Variants in LINGO2 observed in about 807,000 individuals in gnomAD.
LINGO2 encodes the protein leucine rich repeat and Ig domain containing 2.
Under a neutral mutation model 30.6 loss-of-function variants are expected in LINGO2, and 14 were observed. The observed-to-expected ratio is 0.46, with a 90% confidence interval of 0.30 to 0.72. The LOEUF is 0.72. LINGO2 is among the 30% of genes least tolerant of loss of function. The pLI is 0.07. For synonymous variants in LINGO2, 317 were observed against 288.5 expected (o/e 1.10, Z -1.00); for missense variants, 729 against 751.7 (o/e 0.97, Z 0.35).
chr9:29,041,300 G>A, the LINGO2 span, among the ~76,000 whole-genome samples: 4,677 of 151,972 alleles, frequency 0.031, 260 homozygotes, highest in African/African-American at 0.11. Context: ...CAAAATTCAA[G>A]GAAGGGTTTT....
In LINGO2 at chr9:27,976,049, CTGAA is replaced by C. The variant is rs548463956; in HGVS notation, c.-35-25347_-35-25344del. Among the ~76,000 whole-genome samples, 138 of 152,168 alleles carry C rather than the reference CTGAA, an allele frequency of 9.1e-4. 1 individual carries two copies. The highest frequency in any genetic ancestry group is 3.2e-3 in the African/African-American group (133 of 41,536). On this transcript the variant is annotated intron_variant, in intron 5 of 5. Transcript: ENST00000379992. ...TCAGGCTGGTCCTAGCACTTACCAC[CTGAA>C]TGAATTAAAATGGGGCAGTTACTTA... is the stretch of plus-strand genomic sequence containing the variant.
the LINGO2 span, among the ~76,000 whole-genome samples, chr9:29,011,655 TTGGCCACTGATTAC>T: frequency 1.3e-5 from 2 of 152,192 alleles, no homozygotes; most frequent in African/African-American, 4.8e-5. Flanking sequence ...CCATGACCCC[TTGGCCACTGATTAC>T]TGACCAGATC....
chr9:27,978,842 T>C (rs890315254), intron 5 of LINGO2, among the ~76,000 whole-genome samples: 4 of 151,996 alleles, frequency 2.6e-5, no homozygotes, highest in African/African-American at 9.7e-5. Context: ...TGTTGAAAAA[T>C]GGAAAATACA....
chr9:28,357,327 CA>C (rs1554710539), intron 3 of LINGO2, among the ~76,000 whole-genome samples: 2 of 139,602 alleles, frequency 1.4e-5, no homozygotes, highest in Non-Finnish European at 1.6e-5. Flanking sequence ...CCACCCCCCC[CA>C]AAAAAGAAAG....
the LINGO2 span, among the ~76,000 whole-genome samples, chr9:28,867,278 A>G: frequency 6.6e-6 from 1 of 152,138 alleles, no homozygotes; most frequent in Non-Finnish European, 1.5e-5. Context: ...ATAGAACAGG[A>G]AATGAAAAAT....
At chr9:28,848,409 A>AG in the LINGO2 span, among the ~76,000 whole-genome samples, 2 of 121,730 alleles carry the variant, frequency 1.6e-5, no homozygotes, top group African/African-American at 6.5e-5. Context: ...ATATATATAT[A>AG]TATATATATA....
the LINGO2 span, among the ~76,000 whole-genome samples, chr9:29,051,996 C>T: frequency 6.6e-6 from 1 of 152,134 alleles, no homozygotes; most frequent in Admixed American, 6.6e-5. Context: ...CTACATCATT[C>T]CAAATATTTG....
At chr9:28,773,120 C>T in the LINGO2 span, among the ~76,000 whole-genome samples, 4 of 152,094 alleles carry the variant, frequency 2.6e-5, no homozygotes, top group Admixed American at 2.6e-4. Context: ...AATCTCAGCA[C>T]TCTGGGAGGC....
chr9:28,131,179 A>C (rs1201649289), intron 4 of LINGO2, among the ~76,000 whole-genome samples: 1 of 152,036 alleles, frequency 6.6e-6, no homozygotes, highest in Non-Finnish European at 1.5e-5. Context: ...AAAAAAAAAA[A>C]AAACATGAGT....
chr9:28,322,238 G>A (rs758311561), intron 3 of LINGO2, among the ~76,000 whole-genome samples: 1 of 152,120 alleles, frequency 6.6e-6, no homozygotes, highest in African/African-American at 2.4e-5. Context: ...TGATCATTTG[G>A]ATGACAGCAC....
chr9:28,625,657 T>G (rs762688425), intron 1 of LINGO2, among the ~76,000 whole-genome samples: 18 of 152,168 alleles, frequency 1.2e-4, no homozygotes, highest in Non-Finnish European at 1.5e-5. Flanking sequence ...GTATGCCCAT[T>G]TTTTTCCTTT....
At chr9:28,709,636 T>G in the LINGO2 span, among the ~76,000 whole-genome samples, 1 of 152,012 alleles carries the variant, frequency 6.6e-6, no homozygotes, top group Admixed American at 6.6e-5. Flanking sequence ...CAAACAGAAA[T>G]GCTTGCACAA....
intron 4 of LINGO2, among the ~76,000 whole-genome samples, chr9:28,067,813 C>T (rs777350410): frequency 8.5e-5 from 13 of 152,194 alleles, no homozygotes; most frequent in South Asian, 4.1e-4. Flanking sequence ...TCAACTTCTT[C>T]GATTATCATA....
chr9:28,054,785 A>ATGATC (rs1824843538), intron 4 of LINGO2, among the ~76,000 whole-genome samples: 1 of 151,244 alleles, frequency 6.6e-6, no homozygotes, highest in African/African-American at 2.5e-5. Context: ...TCCAGGCTAT[A>ATGATC]ACTTAATTTT....
At chr9:28,052,504 C>A (rs1462873105) in intron 4 of LINGO2, among the ~76,000 whole-genome samples, 1 of 152,014 alleles carries the variant, frequency 6.6e-6, no homozygotes, top group African/African-American at 2.4e-5. Flanking sequence ...GTATACCAGG[C>A]CATTTGCTCA....
the LINGO2 span, among the ~76,000 whole-genome samples, chr9:29,130,438 A>C: frequency 6.6e-6 from 1 of 152,120 alleles, no homozygotes; most frequent in Non-Finnish European, 1.5e-5. Flanking sequence ...AATCCTCTGC[A>C]AAAGTGGAAA....
chr9:28,015,274 C>G (rs949270171), intron 4 of LINGO2, among the ~76,000 whole-genome samples: 6 of 152,106 alleles, frequency 3.9e-5, no homozygotes, highest in Non-Finnish European at 7.4e-5. Context: ...CAAAAGCAGG[C>G]CTTACATTAC....
At chr9:28,531,896 AT>A (rs1301020369) in intron 1 of LINGO2, among the ~76,000 whole-genome samples, 1 of 152,132 alleles carries the variant, frequency 6.6e-6, no homozygotes, top group African/African-American at 2.4e-5. Flanking sequence ...ATTCATTTGT[AT>A]TTGGAAAATA....
chr9:28,775,491 T>G, the LINGO2 span, among the ~76,000 whole-genome samples: 1 of 152,326 alleles, frequency 6.6e-6, no homozygotes, highest in East Asian at 1.9e-4. Flanking sequence ...CAGCATGGTT[T>G]GGAAGTCACA....
Sources: gnomAD v4.1 joint callset for allele counts (sites outside exome capture counted in the v4.1 genomes callset) on GRCh38, gnomAD v4.1.1 for gene constraint, MANE v1.5 for transcripts, NCBI Gene and HGNC (gene_info 2026-07-23, HGNC 2026-07-21) for gene names.